Variants in MYL2 observed in about 807,000 individuals in gnomAD.
MYL2 encodes myosin light chain 2.
MYL2 carries 19 observed loss-of-function variants against 23.0 expected under a neutral mutation model. The ratio of observed to expected loss-of-function variants is 0.83; its 90% CI spans 0.58 to 1.21. The LOEUF (loss-of-function observed/expected upper bound fraction) is 1.21, where lower values mean the gene tolerates loss of function less well. Ranked by LOEUF, MYL2 falls within the 50% of genes most tolerant of loss-of-function variation. MYL2 has a pLI of 0.00. For missense variants in MYL2, 180 were observed against 215.1 expected, an observed-to-expected ratio of 0.84 and a Z score of 1.02; for synonymous variants, 78 against 76.2, an observed-to-expected ratio of 1.02 and a Z score of -0.13.
intron 6 of MYL2, among the ~76,000 whole-genome samples, chr12:110,911,534 T>C (rs1268847568): frequency 6.6e-6 from 1 of 152,204 alleles, no homozygotes; most frequent in Non-Finnish European, 1.5e-5. Context: ...TCTTCCTTCA[T>C]GCACTTTTCC....
Position 110,914,149 on chromosome 12 carries a change from C to T in MYL2, c.274+37G>A, listed in dbSNP as rs111556744. The stretch of plus-strand genomic sequence containing the variant: ...CAGCCCCCCCGAAGAAACATAGACA[C>T]ATACACACAGACACACACACACACA... On this transcript the variant is annotated intron_variant, in intron 4 of 6. Transcript: ENST00000228841. 7 of 1,444,736 alleles carry T rather than the reference C, an allele frequency of 4.8e-6. No individual in the cohort carries two copies. The African/African-American group carries it at 8.4e-5, about 17-fold the overall frequency. The allele number at this position is 1,444,736 out of a possible 1,614,324, so 89.5% of individuals were successfully genotyped here. A position where few individuals can be genotyped will look rare whatever the true frequency, so the allele number is the denominator to read the frequency against.
At chr12:110,914,159 GACACAC>G in intron 4 of MYL2, 21 bp downstream of exon 4, 4 of 1,376,678 alleles carry the variant, frequency 2.9e-6, no homozygotes, top group South Asian at 1.2e-5. Context: ...CATACACACA[GACACAC>G]ACACACACAC....
intron 3 of MYL2, among the ~76,000 whole-genome samples, chr12:110,915,351 A>G (rs1393800332): frequency 2.0e-5 from 3 of 152,158 alleles, no homozygotes; most frequent in Non-Finnish European, 2.9e-5. Flanking sequence ...CCCAAACCTA[A>G]CAGACATGTC....
chr12:110,915,086 G>A (rs1304669838), intron 3 of MYL2, among the ~76,000 whole-genome samples: 2 of 152,164 alleles, frequency 1.3e-5, no homozygotes, highest in African/African-American at 4.8e-5. Flanking sequence ...TTAAGCCAAT[G>A]TATGTTTTAA....
At chr12:110,915,672 G>A (rs1444968306) in intron 3 of MYL2, 43 bp downstream of exon 3, 3 of 1,580,304 alleles carry the variant, frequency 1.9e-6, no homozygotes, top group Non-Finnish European at 2.6e-6. Context: ...TCATGGATGT[G>A]AGATAAAGAG....
At chr12:110,914,927 G>T (rs1364709549) in intron 3 of MYL2, among the ~76,000 whole-genome samples, 1 of 152,212 alleles carries the variant, frequency 6.6e-6, no homozygotes, top group Non-Finnish European at 1.5e-5. Flanking sequence ...GCCCTTCACA[G>T]TTGGAGGCGG....
At chr12:110,916,376 T>C (rs2071687938) in intron 2 of MYL2, among the ~76,000 whole-genome samples, 1 of 152,086 alleles carries the variant, frequency 6.6e-6, no homozygotes, top group Admixed American at 6.6e-5. Context: ...AACACAAATG[T>C]GTATAGCAGC....
At chr12:110,920,587 T>G (rs2071716735), upstream of MYL2, 1 of 1,613,672 alleles carries the variant, frequency 6.2e-7, no homozygotes. Context: ...CCCAGCTCTC[T>G]GCAGCCCAGG....
chr12:110,913,899 C>A (rs984225430), intron 4 of MYL2, among the ~76,000 whole-genome samples: 1 of 152,130 alleles, frequency 6.6e-6, no homozygotes, highest in Non-Finnish European at 1.5e-5. Context: ...ACTACAGGTG[C>A]ACACCACCAT....
intron 1 of MYL2, 45 bp from the exon 2 acceptor site, chr12:110,919,238 C>CA: frequency 6.4e-7 from 1 of 1,554,372 alleles, no homozygotes; most frequent in Non-Finnish European, 8.8e-7. Flanking sequence ...GGCTGGGAGT[C>CA]AAAAAACTAG....
intron 2 of MYL2, among the ~76,000 whole-genome samples, chr12:110,916,714 G>A (rs767519548): frequency 1.3e-5 from 2 of 152,190 alleles, no homozygotes; most frequent in African/African-American, 2.4e-5. Context: ...TCTTTCGGGG[G>A]TGATGGAAAT....
rs79904317 is a variant in MYL2 at position 110,918,189 on chromosome 12, G to C, written c.93+915C>G. 2.6e-3 allele frequency among the ~76,000 whole-genome samples: 395 copies of C among 152,284 alleles called. 1 individual carries two copies. The highest frequency in any genetic ancestry group is 9.1e-3 in the African/African-American group (377 of 41,550). On this transcript the variant is annotated intron_variant, in intron 2 of 6. Coordinates refer to ENST00000228841, the MANE Select transcript of MYL2 (RefSeq NM_000432.4). The surrounding 1 kb of genome is among the most constrained non-coding windows in gnomAD (Gnocchi z 4.4). ...ATGAGTCAGTGTGAGCCCTCGCAAC[G>C]GCTGGAAAATGAATTCTGAGCCTGT...
rs758688050 is a variant in MYL2, at chr12:110,919,202, A to T, written c.4-9T>A. On this transcript the variant is annotated splice_polypyrimidine_tract_variant and intron_variant, in intron 1 of 6. Transcript: ENST00000228841. ...TTTGCTTTCTTAGGTGCCTGGGGGA[A>T]AAAAGCATCGATTAAAAGAGTGAGA... 1 of 1,612,106 alleles carries T rather than the reference A, an allele frequency of 6.2e-7. No individual in the cohort carries two copies. Among genetic ancestry groups the T allele is most frequent in the Non-Finnish European group, 8.5e-7 (1 of 1,179,140 alleles).
intron 4 of MYL2, 94 bp from the exon 5 acceptor site, chr12:110,913,418 G>A: frequency 4.6e-6 from 6 of 1,309,004 alleles, no homozygotes; most frequent in Non-Finnish European, 6.6e-6. Flanking sequence ...GAGATGAAGG[G>A]GCCAGAGCAA....
chr12:110,911,249 G>T, intron 6 of MYL2, 74 bp from the exon 7 acceptor site: 1 of 476,048 alleles, frequency 2.1e-6, no homozygotes, highest in East Asian at 6.4e-5. Flanking sequence ...GCTGTGGGCG[G>T]GGCCTGAGTG....
chr12:110,919,332 C>T (rs2071705953), intron 1 of MYL2, 139 bp from the exon 2 acceptor site: 2 of 678,738 alleles, frequency 2.9e-6, no homozygotes, highest in African/African-American at 1.8e-5. Context: ...CATCCACACT[C>T]AGGTCTCCAA....
intron 3 of MYL2, among the ~76,000 whole-genome samples, chr12:110,915,028 T>G (rs573714899): frequency 6.6e-6 from 1 of 152,224 alleles, no homozygotes; most frequent in Non-Finnish European, 1.5e-5. Context: ...CCTGCTCTAG[T>G]CCTGCCACAA....
At chr12:110,913,553 T>C (rs1375481881) in intron 4 of MYL2, among the ~76,000 whole-genome samples, 2 of 152,258 alleles carry the variant, frequency 1.3e-5, no homozygotes, top group African/African-American at 4.8e-5. Flanking sequence ...GATTCAAATC[T>C]TAACCCTGGC....
intron 2 of MYL2, among the ~76,000 whole-genome samples, chr12:110,917,472 T>A (rs752664759): frequency 1.2e-4 from 18 of 150,244 alleles, no homozygotes; most frequent in Admixed American, 4.0e-4. Context: ...GGTGAGTACC[T>A]GTAATCCCAT....
Sources: allele counts gnomAD v4.1 joint callset (sites outside exome capture counted in the v4.1 genomes callset), GRCh38; gene constraint gnomAD v4.1.1; non-coding constraint Gnocchi (gnomAD v3.1); transcripts MANE v1.5; gene names NCBI Gene and HGNC (gene_info 2026-07-23, HGNC 2026-07-21).